The following GPC4 variants were observed in gnomAD, a reference collection of about 807,000 sequenced individuals.
GPC4 encodes the protein glypican 4.
Under a neutral mutation model 35.0 loss-of-function variants are expected in GPC4, and 10 were observed. The ratio of observed to expected loss-of-function variants is 0.29; its 90% CI spans 0.18 to 0.48. The LOEUF (loss-of-function observed/expected upper bound fraction) is 0.48. Ranked by LOEUF, GPC4 falls within the 20% of genes least tolerant of loss-of-function variation. GPC4 has a pLI of 0.99. For missense variants in GPC4, 322 were observed against 451.3 expected (o/e 0.71, Z 2.60); for synonymous variants, 167 against 170.2 (o/e 0.98, Z 0.15).
intron 1 of GPC4, among the ~76,000 whole-genome samples, chrX:133,349,634 G>T (rs1294021849): frequency 8.9e-6 from 1 of 112,025 alleles, no homozygotes; most frequent in Non-Finnish European, 1.9e-5. Context: ...TGTTGTTGTT[G>T]TTGAGACACA....
chrX:133,339,020 C>T lies in GPC4; in HGVS notation c.319+163G>A, dbSNP rs773782566. 6.3e-5 allele frequency among the ~76,000 whole-genome samples: 7 copies of T among 111,238 alleles called. No homozygotes were observed. The East Asian group carries it at 1.1e-3, about 18-fold the overall frequency. On this transcript the variant is annotated intron_variant, in intron 2 of 8. Transcript: ENST00000370828. ...CCTACCATACAGATTCCAGTGCATC[C>T]GGAAGTATTCTAGCCATAAAGCTAC...
chrX:133,303,954 G>GAAGGAAGGAAGGAAGGAAGGAAGGAAGC (rs1315046942), intron 7 of GPC4, among the ~76,000 whole-genome samples: 1 of 108,162 alleles, frequency 9.2e-6, no homozygotes, highest in African/African-American at 3.4e-5. Context: ...AGGAAGGAAG[G>GAAGGAAGGAAGGAAGGAAGGAAGGAAGC]AAGCTAGCTA....
chrX:133,404,546 CAAA>C (rs766777711), intron 1 of GPC4, among the ~76,000 whole-genome samples: 2 of 37,361 alleles, frequency 5.4e-5, no homozygotes, highest in Non-Finnish European at 4.1e-5. Context: ...GACTCTGCCT[CAAA>C]AAAAAAAAAA....
At chrX:133,314,230 A>T (rs1449593305) in intron 3 of GPC4, among the ~76,000 whole-genome samples, 1 of 112,443 alleles carries the variant, frequency 8.9e-6, no homozygotes, top group Non-Finnish European at 1.9e-5. Context: ...GACCCAAAAT[A>T]GTTATATTCA....
At chrX:133,358,282 C>G (rs148431134) in intron 1 of GPC4, among the ~76,000 whole-genome samples, 18 of 112,403 alleles carry the variant, frequency 1.6e-4, no homozygotes, top group Admixed American at 4.7e-4. Context: ...GGGGAATCAA[C>G]TTAGCAACAA....
At position 133,324,270 on chromosome X, in the gene GPC4, G is replaced by A; in HGVS notation, c.586C>T (p.Gln196Ter). The A allele has an allele frequency of 8.3e-7, 1 of 1,211,557 alleles. No homozygotes were observed. Among genetic ancestry groups the A allele is most frequent in the Non-Finnish European group, 1.1e-6 (1 of 895,473 alleles). Reference sequence around the variant, plus strand: ...GGGACATCTCCGAAGGGCTTCAGCTGCTCCGTATACTTGCTCACACATTCC... The same window carrying A: ...GGGACATCTCCGAAGGGCTTCAGCTACTCCGTATACTTGCTCACACATTCC... Reference protein sequence around the residue: ...YLECVSKYTEQLKPFGDVPRK... With the variant: ...YLECVSKYTE The change falls in exon 3 of 9, where the codon CAG (glutamine) becomes TAG (stop). Residue 196 changes from glutamine to a stop codon, truncating the protein, a stop_gained. Transcript: ENST00000370828. LOFTEE classifies it high-confidence loss of function.
chrX:133,379,096 A>G (rs770150759), intron 1 of GPC4, among the ~76,000 whole-genome samples: 23 of 112,635 alleles, frequency 2.0e-4, no homozygotes, highest in African/African-American at 7.1e-4. Context: ...AATAATTCCA[A>G]TCTAAGAAAA....
chrX:133,355,221 G>A (rs771687956), intron 1 of GPC4, among the ~76,000 whole-genome samples: 2 of 111,870 alleles, frequency 1.8e-5, no homozygotes, highest in South Asian at 3.8e-4. Flanking sequence ...CTTGACTAGA[G>A]TTAAGTTCAG....
At chrX:133,378,575 C>CA (rs1201192556) in intron 1 of GPC4, among the ~76,000 whole-genome samples, 65 of 49,468 alleles carry the variant, frequency 1.3e-3, no homozygotes, top group East Asian at 2.2e-3. Flanking sequence ...GACTCCATTT[C>CA]AAAAAAAAAA....
In GPC4 at chrX:133,321,972, T is replaced by C. The variant is rs2068366921; in HGVS notation, c.711+2173A>G. 1.8e-5 allele frequency among the ~76,000 whole-genome samples: 2 copies of C among 111,815 alleles called. 1 individual carries two copies. Among genetic ancestry groups the C allele is most frequent in the African/African-American group, 6.5e-5 (2 of 30,733 alleles). ...CAAACAACATAATGAATGCAATCAA[T>C]CAATTAATCCTTATTATCACCCAAT... On this transcript the variant is annotated intron_variant, in intron 3 of 8. Transcript: ENST00000370828.
rs754239420 is a variant in GPC4 at position 133,339,292 on chromosome X, C to A, written c.210G>T (p.Glu70Asp). ...CPQGSTCCSQEMEEKYSLQSK... is the reference protein window; with the variant it reads ...CPQGSTCCSQDMEEKYSLQSK... ...TTTGCAGGCTGTACTTCTCCTCCAT[C>A]TCTTGAGAGCAGCAGGTAGAACCCT... The change falls in exon 2 of 9, where the codon GAG becomes GAT. Residue 70 changes from glutamate (E) to aspartate (D), a missense_variant. Glu to Asp is a conservative substitution (Grantham distance 45, BLOSUM62 2). Coordinates refer to ENST00000370828, the MANE Select transcript of GPC4 (RefSeq NM_001448.3). 1 of 1,211,162 alleles carries A rather than the reference C, an allele frequency of 8.3e-7. No individual in the cohort carries two copies. The highest frequency in any genetic ancestry group is 1.1e-6 in the Non-Finnish European group (1 of 894,885).
At chrX:133,398,233 G>A (rs112105668) in intron 1 of GPC4, among the ~76,000 whole-genome samples, 3 of 111,213 alleles carry the variant, frequency 2.7e-5, no homozygotes, top group African/African-American at 9.8e-5. Context: ...TCAGTTCACT[G>A]CATTAAATGG....
chrX:133,389,777 G>A (rs932381809), intron 1 of GPC4, among the ~76,000 whole-genome samples: 1 of 111,407 alleles, frequency 9.0e-6, no homozygotes, highest in Non-Finnish European at 1.9e-5. Flanking sequence ...CCAGCACCAC[G>A]GACCGTGGGT....
At chrX:133,325,483 T>A (rs2068388139) in intron 2 of GPC4, among the ~76,000 whole-genome samples, 1 of 111,790 alleles carries the variant, frequency 8.9e-6, no homozygotes, top group Admixed American at 9.5e-5. Context: ...AATGGCAAAC[T>A]AGTTTTCTTC....
At chrX:133,385,932 A>G (rs2068687287) in intron 1 of GPC4, among the ~76,000 whole-genome samples, 1 of 110,052 alleles carries the variant, frequency 9.1e-6, no homozygotes, top group African/African-American at 3.3e-5. Flanking sequence ...GGCTTTGCTG[A>G]TATTTGTTTT....
intron 1 of GPC4, among the ~76,000 whole-genome samples, chrX:133,349,171 T>C (rs914080467): frequency 2.7e-5 from 3 of 111,459 alleles, no homozygotes; most frequent in African/African-American, 9.8e-5. Flanking sequence ...ATTCTCAGAG[T>C]AGGGGAGGGC....
intron 1 of GPC4, among the ~76,000 whole-genome samples, chrX:133,363,870 T>C (rs759977597): frequency 3.4e-4 from 38 of 111,752 alleles, no homozygotes; most frequent in Non-Finnish European, 6.0e-4. Flanking sequence ...TGGGCAAGCA[T>C]AATCTATTTT....
chrX:133,328,689 C>A (rs2068404924), intron 2 of GPC4, among the ~76,000 whole-genome samples: 1 of 110,998 alleles, frequency 9.0e-6, no homozygotes, highest in Non-Finnish European at 1.9e-5. Flanking sequence ...GCTGTACAGG[C>A]CCTAGACACC....
intron 1 of GPC4, among the ~76,000 whole-genome samples, chrX:133,412,114 C>T: frequency 9.0e-6 from 1 of 111,714 alleles, no homozygotes; most frequent in Non-Finnish European, 1.9e-5. Flanking sequence ...GTGTTTTGCA[C>T]TGAAAAAAGC....
Sources: gnomAD v4.1 joint callset for allele counts (sites outside exome capture counted in the v4.1 genomes callset) on GRCh38, gnomAD v4.1.1 for gene constraint, MANE v1.5 for transcripts, NCBI Gene and HGNC (gene_info 2026-07-23, HGNC 2026-07-21) for gene names.